CSMD1: variants seen among roughly 807,000 people sequenced by gnomAD.
CSMD1 encodes the protein CUB and Sushi multiple domains 1.
In CSMD1, 213 loss-of-function variants were observed where a neutral mutation model predicts 417.5. That is an observed-to-expected ratio of 0.51 (90% CI 0.46 to 0.57). The LOEUF (loss-of-function observed/expected upper bound fraction) is 0.57, where lower values mean the gene tolerates loss of function less well. Among genes scored for constraint, CSMD1 ranks in the 20% least tolerant of loss-of-function variants. The pLI, the probability that CSMD1 is intolerant of heterozygous loss-of-function variation, is 0.00. For missense variants in CSMD1, 6,923 were observed against 4,529.7 expected, an observed-to-expected ratio of 1.53 and a Z score of -15.17; for synonymous variants, 2,862 against 1,736.8, an observed-to-expected ratio of 1.65 and a Z score of -16.11.
At chr8:4,520,852 C>T (rs553969811) in intron 2 of CSMD1, among the ~76,000 whole-genome samples, 1 of 152,074 alleles carries the variant, frequency 6.6e-6, no homozygotes, top group Non-Finnish European at 1.5e-5. Flanking sequence ...TCTAAGACTT[C>T]TTTTAATAGA....
chr8:4,474,169 G>C (rs1425291245), intron 2 of CSMD1, among the ~76,000 whole-genome samples: 2 of 152,056 alleles, frequency 1.3e-5, no homozygotes, highest in Non-Finnish European at 2.9e-5. Context: ...TCCACACATG[G>C]AAATAATCTT....
At chr8:3,341,487 T>A (rs988990493) in intron 23 of CSMD1, among the ~76,000 whole-genome samples, 2 of 152,008 alleles carry the variant, frequency 1.3e-5, no homozygotes, top group African/African-American at 4.8e-5. Context: ...GTTACTAGGG[T>A]TGGAAACGTA....
chr8:4,805,402 C>A (rs1329210753), intron 1 of CSMD1, among the ~76,000 whole-genome samples: 1 of 152,152 alleles, frequency 6.6e-6, no homozygotes, highest in South Asian at 2.1e-4. Context: ...TAAATTATTT[C>A]TTGGTCTTCA....
intron 26 of CSMD1, among the ~76,000 whole-genome samples, chr8:3,283,217 G>A (rs1432220864): frequency 6.6e-6 from 1 of 152,104 alleles, no homozygotes; most frequent in Non-Finnish European, 1.5e-5. Flanking sequence ...CCTGAACCGG[G>A]AAGTTGCAAG....
At chr8:3,650,832 C>T (rs1370676588) in intron 7 of CSMD1, among the ~76,000 whole-genome samples, 1 of 152,136 alleles carries the variant, frequency 6.6e-6, no homozygotes, top group East Asian at 1.9e-4. Context: ...GTTATACCAT[C>T]TCCAATCCTG....
At chr8:4,044,280 A>G (rs1585195496) in intron 3 of CSMD1, among the ~76,000 whole-genome samples, 1 of 152,196 alleles carries the variant, frequency 6.6e-6, no homozygotes, top group African/African-American at 2.4e-5. Context: ...TAAAAATGGC[A>G]AAGGAAAAAC....
intron 3 of CSMD1, among the ~76,000 whole-genome samples, chr8:4,309,288 A>ATATAATTGC (rs1798428580): frequency 6.6e-6 from 1 of 152,154 alleles, no homozygotes; most frequent in Admixed American, 6.6e-5. Context: ...TTCAGATACA[A>ATATAATTGC]TATAATTGCA....
Position 4,923,130 on chromosome 8 carries a change from G to A in CSMD1, c.85+71202C>T, listed in dbSNP as rs145810168. Among the ~76,000 whole-genome samples, 185 of 152,066 alleles carry A rather than the reference G, an allele frequency of 1.2e-3. No individual in the cohort carries two copies. In the Middle Eastern group the frequency reaches 0.027, roughly 22 times the overall value. On this transcript the variant is annotated intron_variant, in intron 1 of 69. Coordinates refer to ENST00000635120, the MANE Select transcript of CSMD1 (RefSeq NM_033225.6). ...TCAATTATACTAGCATGGAATTAGG[G>A]GAAATATTTTTAAAATATATAATAC...
intron 7 of CSMD1, among the ~76,000 whole-genome samples, chr8:3,676,235 G>A (rs1272216070): frequency 6.6e-6 from 1 of 152,046 alleles, no homozygotes; most frequent in African/African-American, 2.4e-5. Context: ...CTAACCTTGG[G>A]GTCAGACATG....
intron 3 of CSMD1, among the ~76,000 whole-genome samples, chr8:4,270,501 C>A (rs940963278): frequency 6.6e-6 from 1 of 152,074 alleles, no homozygotes; most frequent in South Asian, 2.1e-4. Flanking sequence ...TATCTCCAGG[C>A]TTTTCTGAGT....
chr8:3,613,256 T>C, intron 8 of CSMD1: 1 of 423,566 alleles, frequency 2.4e-6, no homozygotes, highest in Non-Finnish European at 4.7e-6. Flanking sequence ...AGAAAAGAAA[T>C]TCAATCCGTA....
At chr8:4,594,444 C>G (rs764333962) in intron 2 of CSMD1, among the ~76,000 whole-genome samples, 1 of 151,978 alleles carries the variant, frequency 6.6e-6, no homozygotes, top group Admixed American at 6.6e-5. Flanking sequence ...AAGTAATCCA[C>G]GCATCTCAGC....
Position 3,836,714 on chromosome 8 carries a change from G to C in CSMD1, c.819-82672C>G, listed in dbSNP as rs139356771. On this transcript the variant is annotated intron_variant, in intron 5 of 69. Coordinates refer to ENST00000635120, the MANE Select transcript of CSMD1 (RefSeq NM_033225.6). ...ATGGTTAGAATTGGGAAAATAAACAGATTAGCAGAGTTTCAAGAGACAATG... is the reference window on the plus strand; with the variant it reads ...ATGGTTAGAATTGGGAAAATAAACACATTAGCAGAGTTTCAAGAGACAATG... Among the ~76,000 whole-genome samples, 620 of 152,184 alleles carry C rather than the reference G, an allele frequency of 4.1e-3. 3 individuals carry two copies. Among genetic ancestry groups the C allele is most frequent in the East Asian group, 0.018 (93 of 5,182 alleles).
chr8:4,154,773 C>A (rs140148316), intron 3 of CSMD1, among the ~76,000 whole-genome samples: 1 of 151,996 alleles, frequency 6.6e-6, no homozygotes, highest in Non-Finnish European at 1.5e-5. Flanking sequence ...ATGAATATCA[C>A]TGATCACAGA....
intron 49 of CSMD1, among the ~76,000 whole-genome samples, chr8:3,053,643 A>G (rs774326859): frequency 1.2e-4 from 18 of 152,210 alleles, no homozygotes; most frequent in Non-Finnish European, 2.2e-4. Flanking sequence ...TATAAAAAAC[A>G]AGATTTGGGG....
chr8:4,663,032 G>C (rs760019016), intron 1 of CSMD1, among the ~76,000 whole-genome samples: 2 of 152,184 alleles, frequency 1.3e-5, no homozygotes, highest in African/African-American at 4.8e-5. Flanking sequence ...AAAAATCTCT[G>C]TTCCAGCCCA....
intron 27 of CSMD1, among the ~76,000 whole-genome samples, chr8:3,225,153 C>G (rs1384756569): frequency 6.6e-6 from 1 of 152,112 alleles, no homozygotes; most frequent in Non-Finnish European, 1.5e-5. Flanking sequence ...TCACAATTTT[C>G]AATAAGGAGT....
intron 4 of CSMD1, among the ~76,000 whole-genome samples, chr8:4,004,253 A>C (rs1955096): frequency 1.3e-5 from 2 of 151,778 alleles, no homozygotes; most frequent in African/African-American, 4.8e-5. Context: ...TTAACATCTA[A>C]AAAACATCCC....
chr8:4,622,652 A>C (rs1273443065), intron 2 of CSMD1, among the ~76,000 whole-genome samples: 2 of 152,158 alleles, frequency 1.3e-5, no homozygotes, highest in Non-Finnish European at 2.9e-5. Context: ...GAAGGGCAAT[A>C]TGCTAATAAC....
Sources: allele counts gnomAD v4.1 joint callset (sites outside exome capture counted in the v4.1 genomes callset), GRCh38; gene constraint gnomAD v4.1.1; transcripts MANE v1.5; gene names NCBI Gene and HGNC (gene_info 2026-07-23, HGNC 2026-07-21).